TRPC4AP: variants seen among roughly 807,000 people sequenced by gnomAD.
The protein encoded by TRPC4AP is transient receptor potential cation channel subfamily C member 4 associated protein, also known as short transient receptor potential channel 4-associated protein.
TRPC4AP carries 45 observed loss-of-function variants against 99.0 expected under a neutral mutation model. That is an observed-to-expected ratio of 0.45 (90% CI 0.36 to 0.58). TRPC4AP has a LOEUF of 0.58. TRPC4AP is among the 20% of genes least tolerant of loss of function. The pLI, the probability that TRPC4AP is intolerant of heterozygous loss-of-function variation, is 0.00. For missense variants in TRPC4AP, 879 were observed against 985.3 expected (o/e 0.89, Z 1.44); for synonymous variants, 408 against 385.8 (o/e 1.06, Z -0.67).
Position 35,003,100 on chromosome 20 carries a change from C to T in TRPC4AP, c.*46G>A, listed in dbSNP as rs757734177. On this transcript the variant is annotated 3_prime_UTR_variant, in exon 19 of 19. Coordinates refer to ENST00000252015, the MANE Select transcript of TRPC4AP (RefSeq NM_015638.3). ...GGCAGGGCGTGTGGCATCGTACCCACGCTCACCCACACTGGCCCAGCAGCC... is the reference window on the plus strand; with the variant it reads ...GGCAGGGCGTGTGGCATCGTACCCATGCTCACCCACACTGGCCCAGCAGCC... 1.2e-5 allele frequency: 20 copies of T among 1,609,946 alleles called. No individual in the cohort carries two copies. Among genetic ancestry groups the T allele is most frequent in the Admixed American group, 1.7e-5 (1 of 59,888 alleles).
intron 1 of TRPC4AP, among the ~76,000 whole-genome samples, chr20:35,087,553 A>G (rs977656400): frequency 6.6e-6 from 1 of 152,110 alleles, no homozygotes; most frequent in African/African-American, 2.4e-5. Flanking sequence ...ACTATCCTAG[A>G]GCCCAGCGTT....
At position 35,002,963 on chromosome 20, in the gene TRPC4AP, A is replaced by C; in HGVS notation, c.*183T>G. 1 of 739,416 alleles carries C rather than the reference A, an allele frequency of 1.4e-6. No individual in the cohort carries two copies. Among genetic ancestry groups the C allele is most frequent in the Non-Finnish European group, 2.2e-6 (1 of 463,126 alleles). 45.8% of individuals were successfully genotyped at this position (739,416 alleles called of 1,614,324 possible). On this transcript the variant is annotated 3_prime_UTR_variant, in exon 19 of 19. Coordinates refer to ENST00000252015, the MANE Select transcript of TRPC4AP (RefSeq NM_015638.3). The stretch of plus-strand genomic sequence containing the variant: ...ATTATGGGGACTGAGGCTCTCCATG[A>C]CCTAGGGCCCTCAGACCCAGGGGGA...
chr20:35,044,294 G>A (rs1432497709), intron 7 of TRPC4AP, among the ~76,000 whole-genome samples: 1 of 151,844 alleles, frequency 6.6e-6, no homozygotes, highest in Non-Finnish European at 1.5e-5. Flanking sequence ...AGGTGGCTGA[G>A]GTGGGAGGAT....
chr20:35,064,147 A>G (rs759427145), intron 3 of TRPC4AP, among the ~76,000 whole-genome samples: 4 of 152,214 alleles, frequency 2.6e-5, no homozygotes, highest in Non-Finnish European at 4.4e-5. Flanking sequence ...CTAAGCCCAT[A>G]TGTTTAAAGA....
intron 1 of TRPC4AP, among the ~76,000 whole-genome samples, chr20:35,086,796 A>G (rs1405054232): frequency 6.6e-6 from 1 of 151,922 alleles, no homozygotes; most frequent in African/African-American, 2.4e-5. Flanking sequence ...GCACTTTGGG[A>G]GGCTGAGGTG....
intron 9 of TRPC4AP, among the ~76,000 whole-genome samples, chr20:35,020,404 C>G (rs181765122): frequency 3.9e-5 from 6 of 152,202 alleles, no homozygotes; most frequent in African/African-American, 1.4e-4. Context: ...CTGTCCCGCG[C>G]TGCCTCACTG....
At chr20:35,042,618 TATTAACAATA>T (rs1569113626) in intron 7 of TRPC4AP, among the ~76,000 whole-genome samples, 3 of 152,250 alleles carry the variant, frequency 2.0e-5, no homozygotes, top group Admixed American at 6.5e-5. Flanking sequence ...TAGGTTTTTG[TATTAACAATA>T]TTTCCAGCCT....
Position 35,003,581 on chromosome 20 carries a change from G to A in TRPC4AP, c.2085C>T (p.Ile695=), listed in dbSNP as rs2082444527. 6.2e-7 allele frequency: 1 copy of A among 1,614,032 alleles called. No individual in the cohort carries two copies. The highest frequency in any genetic ancestry group is 2.2e-5 in the East Asian group (1 of 44,874). Residue 695 remains isoleucine (I), a synonymous_variant, in exon 18 of 19, where the codon ATC becomes ATT. Coordinates refer to ENST00000252015, the MANE Select transcript of TRPC4AP (RefSeq NM_015638.3). ...NVSCLNTSLV[I]LMLARRKERL... ...GCTCTTTCCGTCGGGCCAGCATCAG[G>A]ATCACCAGGCTGGTGTTGAGGCAGC...
At chr20:35,012,933 G>A (rs1423227549) in intron 11 of TRPC4AP, 75 bp downstream of exon 11, 4 of 1,504,702 alleles carry the variant, frequency 2.7e-6, no homozygotes, top group Admixed American at 3.4e-5. Flanking sequence ...GCTGAGGTCA[G>A]GGACCAGACA....
intron 1 of TRPC4AP, among the ~76,000 whole-genome samples, chr20:35,088,948 T>C (rs1404649406): frequency 6.6e-6 from 1 of 152,160 alleles, no homozygotes. Flanking sequence ...TGGGAAGTTG[T>C]TCAATGGTAG....
intron 8 of TRPC4AP, among the ~76,000 whole-genome samples, chr20:35,027,985 C>G (rs2083070861): frequency 6.6e-6 from 1 of 152,028 alleles, no homozygotes; most frequent in Admixed American, 6.6e-5. Flanking sequence ...ATTTTCTCTA[C>G]TGTTTTTCTA....
chr20:35,078,047 T>G lies in TRPC4AP; in HGVS notation c.296A>C (p.Lys99Thr), dbSNP rs746817941. 4.3e-6 allele frequency: 7 copies of G among 1,612,358 alleles called. No homozygotes were observed. In the South Asian group the frequency reaches 4.4e-5, roughly 10 times the overall value. The part of the protein sequence containing the change: ...SDFVECQNIL[K>T]EISPLLSMEA... ...CCCTCCAAGGTCCTTAAGAGTTACC[T>G]TGAGGATGTTTTGACACTCAACAAA... The change falls in exon 2 of 19, where the codon AAG (lysine) becomes ACG (threonine). Residue 99 changes from lysine (K) to threonine (T), a missense_variant and splice_region_variant. Transcript: ENST00000252015.
intron 3 of TRPC4AP, among the ~76,000 whole-genome samples, chr20:35,068,190 TG>T (rs1347217356): frequency 1.3e-5 from 2 of 152,198 alleles, no homozygotes; most frequent in Non-Finnish European, 1.5e-5. Flanking sequence ...TGGTAATTAT[TG>T]GTGTACTTTT....
chr20:35,048,599 G>T (rs1400109556), intron 6 of TRPC4AP, among the ~76,000 whole-genome samples: 1 of 152,162 alleles, frequency 6.6e-6, no homozygotes, highest in African/African-American at 2.4e-5. Context: ...CCAGTTTATG[G>T]TGTTTCCACT....
chr20:35,080,809 T>TTTG (rs1569151444), intron 1 of TRPC4AP, among the ~76,000 whole-genome samples: 1 of 88,208 alleles, frequency 1.1e-5, no homozygotes, highest in East Asian at 3.5e-4. Context: ...CTTCAGTTTT[T>TTTG]TTTTTTTTTA....
chr20:35,003,282 C>G lies in TRPC4AP; in HGVS notation c.2258G>C (p.Ser753Thr). 6.2e-7 allele frequency: 1 copy of G among 1,613,798 alleles called. No individual in the cohort carries two copies. Among genetic ancestry groups the G allele is most frequent in the Non-Finnish European group, 8.5e-7 (1 of 1,179,914 alleles). The change falls in exon 19 of 19, where the codon AGC (serine) becomes ACC (threonine). Residue 753 changes from serine to threonine, a missense_variant and splice_region_variant. Coordinates refer to ENST00000252015, the MANE Select transcript of TRPC4AP (RefSeq NM_015638.3). ...KDKDSTCLEN[S>T]SCISFSYWKE... is the part of the protein sequence containing the mutation. The stretch of plus-strand genomic sequence containing the variant: ...CCAGTATGAGAAGCTGATGCAGGAG[C>G]TCTGGGCAAAGAGGGAGGGGCTGGG...
At chr20:35,088,148 T>A (rs927873003) in intron 1 of TRPC4AP, among the ~76,000 whole-genome samples, 2 of 152,256 alleles carry the variant, frequency 1.3e-5, no homozygotes, top group Admixed American at 6.5e-5. Flanking sequence ...TATGTACTTA[T>A]AGCTGAGAAA....
chr20:35,056,631 G>A (rs2083833215), intron 4 of TRPC4AP, among the ~76,000 whole-genome samples: 1 of 151,940 alleles, frequency 6.6e-6, no homozygotes, highest in Non-Finnish European at 1.5e-5. Flanking sequence ...AACATTAACT[G>A]AAGTCATCTC....
rs71299218 is a variant in TRPC4AP at position 35,031,390 on chromosome 20, CTT to C, written c.1051+3731_1051+3732del. 6.8e-3 allele frequency among the ~76,000 whole-genome samples: 498 copies of C among 73,640 alleles called. 1 individual carries two copies. The highest frequency in any genetic ancestry group is 0.027 in the African/African-American group (466 of 17,042). The allele number at this position is 73,640 out of a possible 152,430, so 48.3% of individuals were successfully genotyped here. On this transcript the variant is annotated intron_variant, in intron 8 of 18. Transcript: ENST00000252015. ...GGTGTGCACTACTACCCCTGGTTAA[CTT>C]TTTTTTTTTTTTTTTTTTTTTTTCA...
Sources: gnomAD v4.1 joint callset for allele counts (sites outside exome capture counted in the v4.1 genomes callset) on GRCh38, gnomAD v4.1.1 for gene constraint, MANE v1.5 for transcripts, NCBI Gene and HGNC (gene_info 2026-07-23, HGNC 2026-07-21) for gene names.